AFF1: variants seen among roughly 807,000 people sequenced by gnomAD.
AFF1 encodes the protein ALF transcription elongation factor 1.
A neutral mutation model predicts 121.7 loss-of-function variants in AFF1; 48 were observed. The ratio of observed to expected loss-of-function variants is 0.39; its 90% CI spans 0.31 to 0.50. AFF1 has a LOEUF of 0.50. Ranked by LOEUF, AFF1 falls within the 20% of genes least tolerant of loss-of-function variation. The probability of loss-of-function intolerance (pLI) is 0.76; values close to 1 mark genes in which losing one functional copy is unlikely to be tolerated. For synonymous variants in AFF1, 613 were observed against 563.0 expected (o/e 1.09, Z -1.26); for missense variants, 1,523 against 1,511.7 (o/e 1.01, Z -0.12).
chr4:87,126,895 G>C, intron 14 of AFF1, 131 bp from the exon 15 acceptor site: 1 of 750,864 alleles, frequency 1.3e-6, no homozygotes, highest in South Asian at 1.7e-5. Flanking sequence ...GTTTAGCCAG[G>C]GTAGATTGTG....
chr4:87,106,349 C>T (rs946454011), intron 10 of AFF1, among the ~76,000 whole-genome samples: 2 of 152,236 alleles, frequency 1.3e-5, no homozygotes, highest in African/African-American at 2.4e-5. Flanking sequence ...TGCCACTGCA[C>T]TCCAGCTTGG....
At chr4:87,086,429 C>T (rs756963090) in intron 5 of AFF1, among the ~76,000 whole-genome samples, 21 of 152,150 alleles carry the variant, frequency 1.4e-4, no homozygotes, top group Non-Finnish European at 2.9e-4. Flanking sequence ...TCCTTCCCTT[C>T]CCACCCAGGA....
rs568411934 is a variant in AFF1, at chr4:86,996,212, G to A, written c.38+47641G>A. On this transcript the variant is annotated intron_variant, in intron 2 of 20. Coordinates refer to ENST00000395146, the MANE Select transcript of AFF1 (RefSeq NM_001166693.3). ...AGCCCCTCTGCCTGGCCACCACCCC[G>A]TCTGGGAGGTGTACCCAACAGCTCA... is the stretch of plus-strand genomic sequence containing the variant. Among the ~76,000 whole-genome samples, 814 of 150,192 alleles carry A rather than the reference G, an allele frequency of 5.4e-3. 4 individuals carry two copies. Among genetic ancestry groups the A allele is most frequent in the African/African-American group, 0.019 (774 of 41,088 alleles).
intron 2 of AFF1, among the ~76,000 whole-genome samples, chr4:86,984,175 A>G (rs369835329): frequency 3.9e-5 from 6 of 152,204 alleles, no homozygotes; most frequent in African/African-American, 7.2e-5. Flanking sequence ...AGAAATTTGT[A>G]AATGCTGTGG....
intron 1 of AFF1, among the ~76,000 whole-genome samples, chr4:86,944,904 A>G (rs1180461758): frequency 6.6e-6 from 1 of 152,090 alleles, no homozygotes; most frequent in Non-Finnish European, 1.5e-5. Context: ...TTGAATTATG[A>G]ATTGTTTGAG....
At chr4:87,072,931 T>C (rs1722243452) in intron 4 of AFF1, among the ~76,000 whole-genome samples, 1 of 152,164 alleles carries the variant, frequency 6.6e-6, no homozygotes, top group African/African-American at 2.4e-5. Context: ...ACCAGATCAG[T>C]AAATCAGTGT....
At chr4:86,955,860 C>T (rs2149460912) in intron 2 of AFF1, among the ~76,000 whole-genome samples, 1 of 152,144 alleles carries the variant, frequency 6.6e-6, no homozygotes, top group East Asian at 1.9e-4. Flanking sequence ...TACTGTAGCC[C>T]CTGGAAGCTC....
chr4:87,119,527 A>T (rs902135365), intron 12 of AFF1, among the ~76,000 whole-genome samples: 10 of 152,128 alleles, frequency 6.6e-5, no homozygotes, highest in African/African-American at 2.4e-4. Context: ...GCTGTGATTG[A>T]GTCACTGCAC....
At chr4:87,102,683 A>C (rs2149739684) in intron 8 of AFF1, among the ~76,000 whole-genome samples, 1 of 152,314 alleles carries the variant, frequency 6.6e-6, no homozygotes, top group Middle Eastern at 3.4e-3. Flanking sequence ...CAGAATATAA[A>C]AGGTGAAAAT....
intron 12 of AFF1, among the ~76,000 whole-genome samples, chr4:87,120,918 G>A (rs970397094): frequency 3.3e-5 from 5 of 152,286 alleles, no homozygotes; most frequent in Middle Eastern, 3.4e-3. Flanking sequence ...GCAGCCTGCC[G>A]AGAGGCTTTC....
At chr4:87,021,473 C>A (rs1727891375) in intron 2 of AFF1, among the ~76,000 whole-genome samples, 1 of 152,190 alleles carries the variant, frequency 6.6e-6, no homozygotes, top group South Asian at 2.1e-4. Flanking sequence ...AATCATATTT[C>A]TATAGGTGAT....
In AFF1 at chr4:87,137,451, G is replaced by T; in HGVS notation, c.*1750G>T. 4.3e-6 allele frequency: 1 copy of T among 230,866 alleles called. No individual in the cohort carries two copies. The highest frequency in any genetic ancestry group is 6.2e-5 in the East Asian group (1 of 16,260). 14.3% of individuals were successfully genotyped at this position (230,866 alleles called of 1,614,324 possible). ...CAGTGTGAGTGGTCTGTGTGAGGCT[G>T]TTCCTTCAGTTTCTTCTCCAGACTG... On this transcript the variant is annotated 3_prime_UTR_variant, in exon 21 of 21. Transcript: ENST00000395146.
chr4:86,950,016 G>A, intron 2 of AFF1: 1 of 1,613,910 alleles, frequency 6.2e-7, no homozygotes, highest in Non-Finnish European at 8.5e-7. Flanking sequence ...AGTTTCACCT[G>A]CTGAGCTCCG....
chr4:87,075,122 A>G (rs1442963775), intron 4 of AFF1, among the ~76,000 whole-genome samples: 1 of 152,210 alleles, frequency 6.6e-6, no homozygotes, highest in Non-Finnish European at 1.5e-5. Flanking sequence ...AACTGGAAAG[A>G]AACAATAAGT....
Position 87,089,979 on chromosome 4 carries a change from T to A in AFF1, c.1105-5T>A. The A allele has an allele frequency of 6.2e-7, 1 of 1,611,196 alleles. No individual in the cohort carries two copies. Among genetic ancestry groups the A allele is most frequent in the Non-Finnish European group, 8.5e-7 (1 of 1,177,768 alleles). ...TTTTTCTTCCCTTTCCAAATATCTT[T>A]CCAGGAAATGACCCATTCATGGCCG... On this transcript the variant is annotated splice_region_variant and splice_polypyrimidine_tract_variant and intron_variant, in intron 5 of 20. Coordinates refer to ENST00000395146, the MANE Select transcript of AFF1 (RefSeq NM_001166693.3).
intron 2 of AFF1, among the ~76,000 whole-genome samples, chr4:87,012,842 T>C (rs1473754389): frequency 6.6e-6 from 1 of 152,110 alleles, no homozygotes; most frequent in Non-Finnish European, 1.5e-5. Context: ...TGATCAGTGT[T>C]GAGAATCCCT....
At chr4:86,935,998 T>A (rs10034541) in intron 1 of AFF1, 9,646 of 151,966 alleles carry the variant, frequency 0.063, 422 homozygotes, top group Non-Finnish European at 0.088. Flanking sequence ...CTTAGTGTAA[T>A]GGTAGTTGCA....
intron 12 of AFF1, among the ~76,000 whole-genome samples, chr4:87,119,430 G>A (rs1447987944): frequency 6.6e-6 from 1 of 152,014 alleles, no homozygotes; most frequent in Middle Eastern, 3.2e-3. Flanking sequence ...AAAAAATTAG[G>A]CACAGTAGCG....
At chr4:87,042,396 A>C (rs1730250181) in intron 2 of AFF1, among the ~76,000 whole-genome samples, 1 of 152,166 alleles carries the variant, frequency 6.6e-6, no homozygotes. Context: ...CTCAAAGCCT[A>C]CCTCTACTCT....
Sources: gnomAD v4.1 joint callset for allele counts (sites outside exome capture counted in the v4.1 genomes callset) on GRCh38, gnomAD v4.1.1 for gene constraint, MANE v1.5 for transcripts, NCBI Gene and HGNC (gene_info 2026-07-23, HGNC 2026-07-21) for gene names.